SLC44A1: variants seen among roughly 807,000 people sequenced by gnomAD.
The protein encoded by SLC44A1 is choline transporter-like protein 1.
Under a neutral mutation model 79.3 loss-of-function variants are expected in SLC44A1, and 26 were observed. The ratio of observed to expected loss-of-function variants is 0.33; its 90% CI spans 0.24 to 0.46. The LOEUF is 0.46. Ranked by LOEUF, SLC44A1 falls within the 20% of genes least tolerant of loss-of-function variation. The pLI is 1.00. For synonymous variants in SLC44A1, 263 were observed against 286.2 expected (o/e 0.92, Z 0.82); for missense variants, 688 against 798.1 (o/e 0.86, Z 1.66).
rs573731468 is a variant in SLC44A1, at chr9:105,351,386, T to A, written c.500+2935T>A. Among the ~76,000 whole-genome samples the A allele has an allele frequency of 5.9e-5, 9 of 151,942 alleles. 1 individual carries two copies. In the South Asian group the frequency reaches 1.7e-3, roughly 28 times the overall value. On this transcript the variant is annotated intron_variant, in intron 5 of 15. Transcript: ENST00000374720. ...TCGTCTCTACCAAAAACACAAAAATTAGCTGGGTATGGTGGTGCATGCCTG... is the reference window on the plus strand; with the variant it reads ...TCGTCTCTACCAAAAACACAAAAATAAGCTGGGTATGGTGGTGCATGCCTG...
At chr9:105,377,548 C>T (rs1173302631) in intron 13 of SLC44A1, among the ~76,000 whole-genome samples, 2 of 150,610 alleles carry the variant, frequency 1.3e-5, no homozygotes, top group African/African-American at 2.4e-5. Context: ...GTCAGTAGTT[C>T]AAGACCAGCC....
chr9:105,299,335 A>C (rs754971440), intron 2 of SLC44A1, 26 bp downstream of exon 2: 4 of 1,479,642 alleles, frequency 2.7e-6, no homozygotes, highest in Non-Finnish European at 3.6e-6. Flanking sequence ...CAGATGGTCC[A>C]AACTGGACTC....
At chr9:105,320,632 A>T (rs1189359329) in intron 3 of SLC44A1, among the ~76,000 whole-genome samples, 4 of 151,960 alleles carry the variant, frequency 2.6e-5, no homozygotes, top group Non-Finnish European at 5.9e-5. Flanking sequence ...TTGGAGTGCC[A>T]TGGCTATTTA....
chr9:105,341,465 A>T (rs1417991444), intron 4 of SLC44A1, among the ~76,000 whole-genome samples: 1 of 152,190 alleles, frequency 6.6e-6, no homozygotes, highest in East Asian at 1.9e-4. Context: ...TAACACAAAT[A>T]TTATAAATAC....
chr9:105,425,930 A>G (rs960616086), intron 15 of SLC44A1, among the ~76,000 whole-genome samples: 17 of 152,220 alleles, frequency 1.1e-4, no homozygotes, highest in African/African-American at 3.9e-4. Flanking sequence ...GCTGGGACAG[A>G]TGAAGCTGGA....
chr9:105,348,448 C>A lies in SLC44A1; in HGVS notation c.497C>A (p.Ala166Glu). The A allele has an allele frequency of 1.3e-6, 2 of 1,589,086 alleles. No homozygotes were observed. The highest frequency in any genetic ancestry group is 1.7e-6 in the Non-Finnish European group (2 of 1,157,774). ...SVLCPKLPVPASAPIPFFHRC... is the reference protein window; with the variant it reads ...SVLCPKLPVPESAPIPFFHRC... ...CTCTGCCCCAAACTACCAGTTCCAG[C>A]GAGGTAAATTTTATTGCAAAGTTGT... The change falls in exon 5 of 16, where the codon GCG (alanine) becomes GAG (glutamate). Residue 166 changes from alanine (A) to glutamate (E), a missense_variant. Coordinates refer to ENST00000374720, the MANE Select transcript of SLC44A1 (RefSeq NM_080546.5).
intron 5 of SLC44A1, among the ~76,000 whole-genome samples, chr9:105,354,599 C>T (rs1588824228): frequency 6.6e-6 from 1 of 152,098 alleles, no homozygotes; most frequent in Non-Finnish European, 1.5e-5. Flanking sequence ...CACAGGGATG[C>T]AAGAGGCAAT....
At chr9:105,405,080 G>T (rs934171861) in intron 15 of SLC44A1, among the ~76,000 whole-genome samples, 1 of 150,928 alleles carries the variant, frequency 6.6e-6, no homozygotes, top group African/African-American at 2.4e-5. Flanking sequence ...AGGACTTTGG[G>T]AGGCCAAGGC....
chr9:105,437,098 T>G (rs1829473027), intron 15 of SLC44A1, among the ~76,000 whole-genome samples: 1 of 152,210 alleles, frequency 6.6e-6, no homozygotes, highest in African/African-American at 2.4e-5. Context: ...TATTTTTAAT[T>G]TTTAACCCAT....
At chr9:105,254,549 A>G (rs1588703503) in intron 1 of SLC44A1, among the ~76,000 whole-genome samples, 1 of 152,110 alleles carries the variant, frequency 6.6e-6, no homozygotes, top group South Asian at 2.1e-4. Flanking sequence ...TGGTTTTGCC[A>G]TTTTCTTTTG....
chr9:105,296,699 A>G (rs1830730891), intron 1 of SLC44A1, among the ~76,000 whole-genome samples: 1 of 152,256 alleles, frequency 6.6e-6, no homozygotes, highest in Non-Finnish European at 1.5e-5. Context: ...TGTAATGGGT[A>G]CTATTCAAGA....
At chr9:105,275,264 A>C (rs972958645) in intron 1 of SLC44A1, among the ~76,000 whole-genome samples, 7 of 152,134 alleles carry the variant, frequency 4.6e-5, no homozygotes, top group African/African-American at 1.7e-4. Flanking sequence ...TTCAGCTTTG[A>C]TTTTAGCTCT....
At chr9:105,377,453 G>GA (rs140041656) in intron 13 of SLC44A1, among the ~76,000 whole-genome samples, 2,795 of 151,938 alleles carry the variant, frequency 0.018, 84 homozygotes, top group African/African-American at 0.064. Flanking sequence ...TTTTTTTAAT[G>GA]AAAAATAAAA....
intron 1 of SLC44A1, among the ~76,000 whole-genome samples, chr9:105,273,543 G>A (rs1455719672): frequency 6.6e-6 from 1 of 152,144 alleles, no homozygotes; most frequent in Non-Finnish European, 1.5e-5. Context: ...GTAAACTCAG[G>A]ATGCTGGGCT....
intron 15 of SLC44A1, among the ~76,000 whole-genome samples, chr9:105,407,063 A>T (rs988173101): frequency 6.6e-6 from 1 of 152,172 alleles, no homozygotes; most frequent in Non-Finnish European, 1.5e-5. Context: ...AGATCAACTG[A>T]GATTATTCAG....
chr9:105,317,381 C>T (rs1831356060), intron 3 of SLC44A1, among the ~76,000 whole-genome samples: 1 of 152,054 alleles, frequency 6.6e-6, no homozygotes, highest in South Asian at 2.1e-4. Flanking sequence ...ACTAAATTTT[C>T]AGAAGGTAAG....
At chr9:105,308,714 T>C (rs1447113183) in intron 2 of SLC44A1, among the ~76,000 whole-genome samples, 1 of 152,226 alleles carries the variant, frequency 6.6e-6, no homozygotes, top group East Asian at 1.9e-4. Context: ...TACTTGGCTG[T>C]GATTAATTAA....
At chr9:105,361,866 A>G (rs904810821) in intron 8 of SLC44A1, among the ~76,000 whole-genome samples, 6 of 152,198 alleles carry the variant, frequency 3.9e-5, no homozygotes, top group Admixed American at 3.9e-4. Context: ...CAACCTGGGC[A>G]AGATAGTGAG....
chr9:105,301,596 T>C (rs1033025674), intron 2 of SLC44A1, among the ~76,000 whole-genome samples: 2 of 152,238 alleles, frequency 1.3e-5, no homozygotes, highest in Non-Finnish European at 2.9e-5. Flanking sequence ...TATAGTACTT[T>C]TAAAATAAAC....
Sources: gnomAD v4.1 joint callset for allele counts (sites outside exome capture counted in the v4.1 genomes callset) on GRCh38, gnomAD v4.1.1 for gene constraint, MANE v1.5 for transcripts, NCBI Gene and HGNC (gene_info 2026-07-23, HGNC 2026-07-21) for gene names.